The following SUMF1 variants were observed in gnomAD, a reference collection of about 807,000 sequenced individuals.
SUMF1 encodes sulfatase modifying factor 1, also known as formylglycine-generating enzyme.
In SUMF1, 48 loss-of-function variants were observed where a neutral mutation model predicts 47.6. The ratio of observed to expected loss-of-function variants is 1.01; its 90% CI spans 0.80 to 1.28. The LOEUF is 1.28. SUMF1 is among the 50% of genes most tolerant of loss of function. The pLI is 0.00. For missense variants in SUMF1, 571 were observed against 485.4 expected (o/e 1.18, Z -1.66); for synonymous variants, 230 against 192.1 (o/e 1.20, Z -1.63).
rs189146327 is a variant in SUMF1, at chr3:4,233,351, T to C, written c.1014+142979A>G. On this transcript the variant is annotated intron_variant and NMD_transcript_variant, in intron 8 of 12. Transcript: ENST00000448413. ...TGAGGTATATGTTATAGCAATAACA[T>C]TTCTTGTAGGGAGTTTTGACCTACA... Among the ~76,000 whole-genome samples, 5 of 152,298 alleles carry C rather than the reference T, an allele frequency of 3.3e-5. No homozygotes were observed. In the East Asian group the frequency reaches 9.7e-4, roughly 29 times the overall value.
At chr3:4,211,873 C>T (rs892868068) in intron 8 of SUMF1, among the ~76,000 whole-genome samples, 3 of 152,162 alleles carry the variant, frequency 2.0e-5, no homozygotes, top group Non-Finnish European at 2.9e-5. Context: ...CGCAGCCAAA[C>T]TGCCAGAGTT....
intron 8 of SUMF1, among the ~76,000 whole-genome samples, chr3:4,122,536 A>G (rs939506787): frequency 6.6e-6 from 1 of 152,170 alleles, no homozygotes; most frequent in African/African-American, 2.4e-5. Context: ...GTTGACTTTA[A>G]AATGGTTAAT....
rs142256112 is a variant in SUMF1 at position 4,165,842 on chromosome 3, G to A, written c.1015-97097C>T. On this transcript the variant is annotated intron_variant and NMD_transcript_variant, in intron 8 of 12. Coordinates refer to the SUMF1 transcript ENST00000448413. ...TTCCCAGCTGAAAAAAAAAATGCCCGTGGTTTTGATTTGTTTGTTTCCCCC... is the reference window on the plus strand; with the variant it reads ...TTCCCAGCTGAAAAAAAAAATGCCCATGGTTTTGATTTGTTTGTTTCCCCC... Among the ~76,000 whole-genome samples the A allele has an allele frequency of 3.4e-3, 461 of 135,106 alleles. 4 individuals carry two copies. Among genetic ancestry groups the A allele is most frequent in the African/African-American group, 0.012 (427 of 35,748 alleles). 88.6% of individuals were successfully genotyped at this position (135,106 alleles called of 152,430 possible).
intron 8 of SUMF1, among the ~76,000 whole-genome samples, chr3:4,206,265 G>A (rs536680313): frequency 1.1e-4 from 16 of 151,838 alleles, no homozygotes; most frequent in African/African-American, 2.9e-4. Context: ...TGCCCCAGCT[G>A]TATCTCACTG....
chr3:4,413,169 T>A (rs1186411449), intron 6 of SUMF1, among the ~76,000 whole-genome samples: 1 of 152,046 alleles, frequency 6.6e-6, no homozygotes, highest in African/African-American at 2.4e-5. Flanking sequence ...CACAACCGAC[T>A]AATTTTTGGA....
chr3:4,348,449 T>C (rs1369011314), intron 8 of SUMF1, among the ~76,000 whole-genome samples: 1 of 152,138 alleles, frequency 6.6e-6, no homozygotes, highest in African/African-American at 2.4e-5. Context: ...ATTTAATAAA[T>C]GGTGTTGGGA....
chr3:4,447,568 A>G (rs1472375830), intron 3 of SUMF1, among the ~76,000 whole-genome samples: 1 of 151,924 alleles, frequency 6.6e-6, no homozygotes, highest in Non-Finnish European at 1.5e-5. Context: ...TTCTGGAGAC[A>G]CTGGGTTACA....
rs2124823079 is a variant in SUMF1, at chr3:4,467,054, CG to C, written c.191del (p.Ser64TrpfsTer45). 1 of 1,569,450 alleles carries C rather than the reference CG, an allele frequency of 6.4e-7. No homozygotes were observed. The highest frequency in any genetic ancestry group is 8.6e-7 in the Non-Finnish European group (1 of 1,158,710). ...CCCGCGAGTATCGGTGAGCGGCTGC[CG>C]AACTGCCATGGGCGCCAGGCCGCTG... ...TPQRPGAHGS[S>X]AAAHRYSREA... On this transcript the variant is annotated frameshift_variant, in exon 1 of 9. Coordinates refer to ENST00000272902, the MANE Select transcript of SUMF1 (RefSeq NM_182760.4). LOFTEE classifies it high-confidence loss of function.
At chr3:4,436,762 T>C (rs2125088091) in intron 3 of SUMF1, among the ~76,000 whole-genome samples, 1 of 149,924 alleles carries the variant, frequency 6.7e-6, no homozygotes, top group African/African-American at 2.5e-5. Context: ...GGAAACCCAG[T>C]GAAACTCAAG....
chr3:4,106,296 G>C (rs929211508), intron 8 of SUMF1, among the ~76,000 whole-genome samples: 1 of 152,056 alleles, frequency 6.6e-6, no homozygotes, highest in Admixed American at 6.5e-5. Context: ...ATAAAATGAA[G>C]ATAAAGATAT....
At chr3:4,400,100 TC>T (rs1701162610) in intron 7 of SUMF1, among the ~76,000 whole-genome samples, 1 of 152,116 alleles carries the variant, frequency 6.6e-6, no homozygotes, top group African/African-American at 2.4e-5. Context: ...GAGATAAAAT[TC>T]CTCAAGCAAC....
intron 9 of SUMF1, among the ~76,000 whole-genome samples, chr3:4,034,516 G>A (rs1450024652): frequency 1.3e-5 from 2 of 152,148 alleles, no homozygotes; most frequent in Non-Finnish European, 2.9e-5. Flanking sequence ...TTGCCTGAAA[G>A]AAATATAGCT....
intron 8 of SUMF1, among the ~76,000 whole-genome samples, chr3:4,285,016 G>GT (rs965429807): frequency 2.2e-4 from 34 of 152,056 alleles, no homozygotes; most frequent in African/African-American, 8.0e-4. Context: ...CGTCTCACAA[G>GT]TAAGATGAGG....
intron 8 of SUMF1, among the ~76,000 whole-genome samples, chr3:4,352,893 T>C (rs1420987871): frequency 6.6e-6 from 1 of 152,188 alleles, no homozygotes; most frequent in Non-Finnish European, 1.5e-5. Flanking sequence ...CTTGAGGTCA[T>C]TTAAACCCAA....
chr3:4,283,670 A>C (rs1393196916), intron 8 of SUMF1, among the ~76,000 whole-genome samples: 2 of 152,226 alleles, frequency 1.3e-5, no homozygotes, highest in African/African-American at 4.8e-5. Context: ...AGTATTTGCC[A>C]CTACCTTAAG....
chr3:4,367,165 AGGGGTC>A (rs1342957663), intron 8 of SUMF1, among the ~76,000 whole-genome samples: 1 of 152,114 alleles, frequency 6.6e-6, no homozygotes, highest in Non-Finnish European at 1.5e-5. Context: ...CTCGGGGGTC[AGGGGTC>A]AGGGACCCAC....
At chr3:4,326,085 G>T (rs188248108) in intron 8 of SUMF1, among the ~76,000 whole-genome samples, 1 of 152,188 alleles carries the variant, frequency 6.6e-6, no homozygotes, top group African/African-American at 2.4e-5. Flanking sequence ...GCCTCCCAAA[G>T]TGCTGGGATT....
At chr3:4,435,542 G>C (rs1486248860) in intron 3 of SUMF1, among the ~76,000 whole-genome samples, 3 of 152,044 alleles carry the variant, frequency 2.0e-5, no homozygotes, top group Admixed American at 6.5e-5. Context: ...ACACATACAA[G>C]AATCTCAAGA....
chr3:4,267,605 C>T (rs1368126291), intron 8 of SUMF1, among the ~76,000 whole-genome samples: 1 of 152,042 alleles, frequency 6.6e-6, no homozygotes, highest in East Asian at 1.9e-4. Flanking sequence ...CAAAAGAAGA[C>T]ATTTATGCAG....
Sources: gnomAD v4.1 joint callset for allele counts (sites outside exome capture counted in the v4.1 genomes callset) on GRCh38, gnomAD v4.1.1 for gene constraint, MANE v1.5 for transcripts, NCBI Gene and HGNC (gene_info 2026-07-23, HGNC 2026-07-21) for gene names.